Variants in CHN1 observed in about 807,000 individuals in gnomAD.
The protein encoded by CHN1 is N-chimaerin.
Under a neutral mutation model 59.5 loss-of-function variants are expected in CHN1, and 37 were observed. That is an observed-to-expected ratio of 0.62 (90% CI 0.48 to 0.82). The LOEUF is 0.82. Among genes scored for constraint, CHN1 ranks in the 40% least tolerant of loss-of-function variants. The probability of loss-of-function intolerance (pLI) is 0.00; values close to 1 mark genes in which losing one functional copy is unlikely to be tolerated. For synonymous variants in CHN1, 206 were observed against 200.4 expected (o/e 1.03, Z -0.24); for missense variants, 469 against 571.0 (o/e 0.82, Z 1.82).
In CHN1 at chr2:174,878,085, T is replaced by C; in HGVS notation, c.304A>G (p.Lys102Glu). Residue 102 changes from lysine to glutamate, a missense_variant, in exon 6 of 13, where the codon AAG becomes GAG. By Grantham distance (56) the Lys-to-Glu change is moderately conservative. Transcript: ENST00000409900. ...TRNFRLYYDGKHFVGEKRFES... is the reference protein window; with the variant it reads ...TRNFRLYYDGEHFVGEKRFES... ...AAGCGTTTCTCCCCAACAAAGTGCT[T>C]GCCATCGTAGTAGAGCCTGAAGTTT... The C allele has an allele frequency of 6.2e-6, 10 of 1,609,368 alleles. No homozygotes were observed. Among genetic ancestry groups the C allele is most frequent in the Non-Finnish European group, 8.5e-6 (10 of 1,176,918 alleles).
At chr2:174,935,594 T>C (rs2105393304) in intron 3 of CHN1, among the ~76,000 whole-genome samples, 1 of 152,252 alleles carries the variant, frequency 6.6e-6, no homozygotes, top group South Asian at 2.1e-4. Context: ...ACAGTCAATT[T>C]CCTACTTCTA....
chr2:174,837,931 C>CTATT (rs1358113523), intron 7 of CHN1, among the ~76,000 whole-genome samples: 2 of 152,154 alleles, frequency 1.3e-5, no homozygotes, highest in African/African-American at 4.8e-5. Flanking sequence ...GTGTCATGCA[C>CTATT]TATTACATAA....
At chr2:175,003,554 ATGTT>A (rs1691957103) in intron 1 of CHN1, among the ~76,000 whole-genome samples, 1 of 152,210 alleles carries the variant, frequency 6.6e-6, no homozygotes, top group African/African-American at 2.4e-5. Context: ...AGGAAAGAAA[ATGTT>A]TGTACCAAAA....
intron 3 of CHN1, among the ~76,000 whole-genome samples, chr2:174,938,107 T>C (rs1212777723): frequency 2.0e-5 from 3 of 151,990 alleles, no homozygotes; most frequent in African/African-American, 7.2e-5. Context: ...ACCTCCCAAG[T>C]AGCTGGAATT....
chr2:174,929,645 T>C (rs555528782), intron 3 of CHN1, among the ~76,000 whole-genome samples: 44 of 152,174 alleles, frequency 2.9e-4, no homozygotes, highest in Non-Finnish European at 5.1e-4. Flanking sequence ...GATTAGTTTT[T>C]TGGTTTTCAG....
Position 174,812,207 on chromosome 2 carries a change from T to C in CHN1, c.886+102A>G, listed in dbSNP as rs1051664005. 5 of 906,310 alleles carry C rather than the reference T, an allele frequency of 5.5e-6. No individual in the cohort carries two copies. In the South Asian group the frequency reaches 1.8e-4, roughly 32 times the overall value. 56.1% of individuals were successfully genotyped at this position (906,310 alleles called of 1,614,324 possible). ...CATATGAAACCATTCCCCTCCAAATTACAGAAGACAACCGTATTGTGCAAT... is the reference window on the plus strand; with the variant it reads ...CATATGAAACCATTCCCCTCCAAATCACAGAAGACAACCGTATTGTGCAAT... On this transcript the variant is annotated intron_variant, in intron 9 of 12. Transcript: ENST00000409900.
intron 1 of CHN1, among the ~76,000 whole-genome samples, chr2:174,982,093 T>C (rs1691173302): frequency 1.3e-5 from 2 of 152,146 alleles, no homozygotes; most frequent in South Asian, 2.1e-4. Flanking sequence ...TGATGGTTTC[T>C]AGCTTCACCC....
rs575134409 is a variant in CHN1, at chr2:174,883,764, T to C, written c.261-5636A>G. ...GATGTTTCCTGTTCCTATTCTTGAA[T>C]AGAATTTAACCAAAAAACATTAGAA... On this transcript the variant is annotated intron_variant, in intron 5 of 12. Coordinates refer to ENST00000409900, the MANE Select transcript of CHN1 (RefSeq NM_001822.7). 6.6e-5 allele frequency among the ~76,000 whole-genome samples: 10 copies of C among 151,840 alleles called. No homozygotes were observed. In the East Asian group the frequency reaches 1.7e-3, roughly 26 times the overall value.
chr2:174,801,513 G>A (rs545793985), intron 12 of CHN1, among the ~76,000 whole-genome samples, 194 bp downstream of exon 12: 60 of 152,250 alleles, frequency 3.9e-4, no homozygotes, highest in African/African-American at 1.3e-3. Flanking sequence ...ACACAATCAA[G>A]TCTGCACTCA....
chr2:174,852,024 C>A (rs1558952634), intron 6 of CHN1, among the ~76,000 whole-genome samples: 1 of 152,086 alleles, frequency 6.6e-6, no homozygotes, highest in Non-Finnish European at 1.5e-5. Context: ...CACCTGTAAT[C>A]CCAGCACTTT....
chr2:174,932,305 T>G (rs1689373416), intron 3 of CHN1, among the ~76,000 whole-genome samples: 1 of 152,232 alleles, frequency 6.6e-6, no homozygotes, highest in African/African-American at 2.4e-5. Context: ...CCCTCCATTT[T>G]GTAGATATAC....
intron 5 of CHN1, among the ~76,000 whole-genome samples, chr2:174,883,395 T>C: frequency 6.6e-6 from 1 of 152,172 alleles, no homozygotes; most frequent in Non-Finnish European, 1.5e-5. Flanking sequence ...AACTGATACC[T>C]CCATTTCTCT....
intron 1 of CHN1, among the ~76,000 whole-genome samples, chr2:174,958,201 T>C (rs1350271516): frequency 1.3e-5 from 2 of 151,970 alleles, no homozygotes; most frequent in Non-Finnish European, 2.9e-5. Context: ...GGTGGGCATG[T>C]GTCCTGACTC....
In CHN1 at chr2:174,962,151, GGC is replaced by G. The variant is rs767066200; in HGVS notation, c.20-9951_20-9950del. On this transcript the variant is annotated intron_variant, in intron 1 of 12. Coordinates refer to ENST00000409900, the MANE Select transcript of CHN1 (RefSeq NM_001822.7). ...AATACGAAAATTAGCCGGGCGGGGT[GGC>G]GCGCGCCTATAATCCCAGCTACTCA... is the stretch of plus-strand genomic sequence containing the variant. Among the ~76,000 whole-genome samples, 7 of 151,966 alleles carry G rather than the reference GGC, an allele frequency of 4.6e-5. No individual in the cohort carries two copies. The East Asian group carries it at 1.4e-3, about 29-fold the overall frequency.
At chr2:174,955,154 CTATGTCTA>C (rs1690155576) in intron 1 of CHN1, among the ~76,000 whole-genome samples, 1 of 130,384 alleles carries the variant, frequency 7.7e-6, no homozygotes, top group Non-Finnish European at 1.6e-5. Flanking sequence ...CTCTATATAT[CTATGTCTA>C]TATATCTCTA....
intron 3 of CHN1, among the ~76,000 whole-genome samples, chr2:174,926,906 C>T (rs1186683519): frequency 1.5e-4 from 23 of 151,956 alleles, no homozygotes; most frequent in African/African-American, 3.9e-4. Flanking sequence ...TAAAGGCGCC[C>T]GCCACCACGC....
chr2:174,939,688 G>A (rs1411210870), intron 3 of CHN1, among the ~76,000 whole-genome samples: 2 of 152,090 alleles, frequency 1.3e-5, no homozygotes, highest in Admixed American at 1.3e-4. Flanking sequence ...GAAACAAAAT[G>A]AAACATTTTA....
At chr2:174,814,072 C>T (rs1482641378) in intron 8 of CHN1, among the ~76,000 whole-genome samples, 1 of 152,060 alleles carries the variant, frequency 6.6e-6, no homozygotes, top group Non-Finnish European at 1.5e-5. Flanking sequence ...GTAGACACTG[C>T]CAACTTGAAA....
chr2:174,939,838 A>G (rs1167708090), intron 3 of CHN1, among the ~76,000 whole-genome samples: 1 of 152,186 alleles, frequency 6.6e-6, no homozygotes, highest in Non-Finnish European at 1.5e-5. Flanking sequence ...AAATCTACAT[A>G]TATCTAAACT....
Sources: allele counts gnomAD v4.1 joint callset (sites outside exome capture counted in the v4.1 genomes callset), GRCh38; gene constraint gnomAD v4.1.1; transcripts MANE v1.5; gene names NCBI Gene and HGNC (gene_info 2026-07-23, HGNC 2026-07-21).